PEAK3: variants seen among roughly 807,000 people sequenced by gnomAD.
The protein encoded by PEAK3 is PEAK family member 3, also known as protein PEAK3.
Under a neutral mutation model 13.3 loss-of-function variants are expected in PEAK3, and 15 were observed. That is an observed-to-expected ratio of 1.13 (90% CI 0.75 to 1.73). The LOEUF is 1.73. Ranked by LOEUF, PEAK3 falls within the 40% of genes most tolerant of loss-of-function variation. The pLI is 0.00. For synonymous variants in PEAK3, 347 were observed against 341.9 expected (o/e 1.01, Z -0.17); for missense variants, 739 against 690.2 (o/e 1.07, Z -0.79).
chr19:2,278,168 C>CTT (rs773451434), intron 3 of PEAK3, among the ~76,000 whole-genome samples: 4 of 119,804 alleles, frequency 3.3e-5, no homozygotes, highest in Non-Finnish European at 7.0e-5. Context: ...CGGCCTTTTT[C>CTT]TTTTTTTTTT....
chr19:2,278,661 A>T lies in PEAK3; in HGVS notation c.535T>A (p.Cys179Ser). The change falls in exon 3 of 4, where the codon TGC becomes AGC. Residue 179 changes from cysteine (C) to serine (S), a missense_variant. Physicochemically the swap from Cys to Ser is moderately radical, Grantham distance 112. Coordinates refer to ENST00000342063, the MANE Select transcript of PEAK3 (RefSeq NM_198532.3). Reference sequence around the variant, plus strand: ...TACAGGGCGTCCCCGCTCTCTGCGCAGGGTGAGCTGTCTAGGAGGCGGAAG... The same window carrying T: ...TACAGGGCGTCCCCGCTCTCTGCGCTGGGTGAGCTGTCTAGGAGGCGGAAG... ...HSFRLLDSSP[C>S]AESGDALYYR... 1 of 1,513,676 alleles carries T rather than the reference A, an allele frequency of 6.6e-7. No individual in the cohort carries two copies. Among genetic ancestry groups the T allele is most frequent in the Non-Finnish European group, 8.8e-7 (1 of 1,131,044 alleles). The allele number at this position is 1,513,676 out of a possible 1,614,324, so 93.8% of individuals were successfully genotyped here.
chr19:2,279,232 C>T lies in PEAK3; in HGVS notation c.83-119G>A, dbSNP rs376452362. The T allele has an allele frequency of 2.1e-4, 182 of 848,526 alleles. No homozygotes were observed. In the African/African-American group the frequency reaches 2.3e-3, roughly 11 times the overall value. The allele number at this position is 848,526 out of a possible 1,614,324, so 52.6% of individuals were successfully genotyped here. A position where few individuals can be genotyped will look rare whatever the true frequency, so the allele number is the denominator to read the frequency against. ...ACATGGAAGTAATGAGGCTGGGCGC[C>T]GGTGGCTCATGCTTGTAATCCCAGC... On this transcript the variant is annotated intron_variant, in intron 2 of 3. Transcript: ENST00000342063.
Position 2,275,724 on chromosome 19 carries a change from TG to T in PEAK3, c.1377del (p.Thr460ProfsTer99). 6.4e-7 allele frequency: 1 copy of T among 1,553,616 alleles called. No individual in the cohort carries two copies. The highest frequency in any genetic ancestry group is 8.7e-7 in the Non-Finnish European group (1 of 1,151,554). ...DWLCCEYLAE[A>X]TESSMGQALA... ...AGGGCCTGGCCCATCGAGGACTCGGTGGCCTCGGCCAGGTATTCGCAACACA... is the reference window on the plus strand; with the variant it reads ...AGGGCCTGGCCCATCGAGGACTCGGTGCCTCGGCCAGGTATTCGCAACACA... On this transcript the variant is annotated frameshift_variant, in exon 4 of 4. Coordinates refer to ENST00000342063, the MANE Select transcript of PEAK3 (RefSeq NM_198532.3). LOFTEE classifies it high-confidence loss of function.
intron 2 of PEAK3, among the ~76,000 whole-genome samples, chr19:2,279,453 G>A (rs1306559761): frequency 1.3e-5 from 2 of 152,076 alleles, no homozygotes; most frequent in African/African-American, 2.4e-5. Flanking sequence ...TCAGGAGATC[G>A]AGACCATCCT....
At chr19:2,277,413 C>T (rs975533829) in intron 3 of PEAK3, among the ~76,000 whole-genome samples, 1 of 152,124 alleles carries the variant, frequency 6.6e-6, no homozygotes, top group African/African-American at 2.4e-5. Flanking sequence ...ATGCCTGCTC[C>T]CGCCTCGCCT....
rs561206085 is a variant in PEAK3, at chr19:2,276,598, C to T, written c.613-109G>A. The T allele has an allele frequency of 1.4e-4, 126 of 924,970 alleles. 1 individual carries two copies. The African/African-American group carries it at 2.1e-3, about 15-fold the overall frequency. 57.3% of individuals were successfully genotyped at this position (924,970 alleles called of 1,614,324 possible). On this transcript the variant is annotated intron_variant, in intron 3 of 3. Transcript: ENST00000342063. ...CTCCCACGCACACCCCCAAACTGCC[C>T]CCACTACGGCTAGGGGCTGCCTGCA...
At chr19:2,276,726 T>A (rs529631814) in intron 3 of PEAK3, among the ~76,000 whole-genome samples, 1 of 152,190 alleles carries the variant, frequency 6.6e-6, no homozygotes, top group Non-Finnish European at 1.5e-5. Context: ...GGCAATGAGT[T>A]CGAAAGCAGA....
chr19:2,277,547 CTTTTT>C (rs1296903773), intron 3 of PEAK3, among the ~76,000 whole-genome samples: 1 of 151,960 alleles, frequency 6.6e-6, no homozygotes, highest in African/African-American at 2.4e-5. Context: ...CTTTTCTTTT[CTTTTT>C]TCTTCTCTTT....
intron 2 of PEAK3, 25 bp downstream of exon 2, chr19:2,280,825 C>G (rs774572909): frequency 1.3e-5 from 20 of 1,595,816 alleles, no homozygotes; most frequent in Non-Finnish European, 1.5e-5. Flanking sequence ...CCCCGCAGCC[C>G]AGGGCTCCCT....
chr19:2,279,253 C>G, intron 2 of PEAK3, 140 bp from the exon 3 acceptor site: 1 of 681,844 alleles, frequency 1.5e-6, no homozygotes, highest in African/African-American at 1.9e-5. Flanking sequence ...GCTTGTAATC[C>G]CAGCACTTAG....
In PEAK3 at chr19:2,275,139, G is replaced by A. The variant is rs2025372081; in HGVS notation, c.*541C>T. 1.3e-5 allele frequency: 2 copies of A among 152,182 alleles called. No homozygotes were observed. The highest frequency in any genetic ancestry group is 6.5e-5 in the Admixed American group (1 of 15,280). 9.4% of individuals were successfully genotyped at this position (152,182 alleles called of 1,614,324 possible). ...AGGGAAGGTGAGTCCAGACCCCGCT[G>A]AGATGAGCTGGGTGTCTAAGGTCCC... On this transcript the variant is annotated 3_prime_UTR_variant, in exon 4 of 4. Coordinates refer to ENST00000342063, the MANE Select transcript of PEAK3 (RefSeq NM_198532.3).
intron 3 of PEAK3, among the ~76,000 whole-genome samples, chr19:2,278,121 C>G (rs895636146): frequency 6.6e-6 from 1 of 150,784 alleles, no homozygotes; most frequent in Non-Finnish European, 1.5e-5. Flanking sequence ...CCTCGGCCTC[C>G]CAAAGTGCTG....
rs771648768 is a variant in PEAK3 at position 2,278,735 on chromosome 19, C to T, written c.461G>A (p.Arg154His). Reference sequence around the variant, plus strand: ...GGGGTGGCCCCCCATGAGCCGGGCACGGAGCCGGGCATAGATGGTACGGAG... The same window carrying T: ...GGGGTGGCCCCCCATGAGCCGGGCATGGAGCCGGGCATAGATGGTACGGAG... Reference protein sequence around the residue: ...QGLRTIYARLRARLMGGHPGP... With the variant: ...QGLRTIYARLHARLMGGHPGP... Residue 154 changes from arginine to histidine, a missense_variant, in exon 3 of 4, where the codon CGT becomes CAT. By Grantham distance (29) the Arg-to-His change is conservative. Coordinates refer to ENST00000342063, the MANE Select transcript of PEAK3 (RefSeq NM_198532.3). 6.1e-5 allele frequency: 94 copies of T among 1,533,742 alleles called. No homozygotes were observed. The highest frequency in any genetic ancestry group is 7.9e-5 in the Non-Finnish European group (90 of 1,137,352).
rs1271232956 is a variant in PEAK3 at position 2,275,761 on chromosome 19, G to A, written c.1341C>T (p.Leu447=). The part of the protein sequence containing the change: ...ERAAGGEAPS[L]EDWLCCEYLA... ...GGTATTCGCAACACAGCCAGTCCTCGAGGCTGGGAGCTTCCCCACCTGCGG... is the reference window on the plus strand; with the variant it reads ...GGTATTCGCAACACAGCCAGTCCTCAAGGCTGGGAGCTTCCCCACCTGCGG... Residue 447 remains leucine, a synonymous_variant, in exon 4 of 4, where the codon CTC becomes CTT. Transcript: ENST00000342063. The A allele has an allele frequency of 3.8e-6, 6 of 1,583,268 alleles. No homozygotes were observed. Among genetic ancestry groups the A allele is most frequent in the Non-Finnish European group, 5.1e-6 (6 of 1,168,136 alleles).
Position 2,275,857 on chromosome 19 carries a change from G to C in PEAK3, c.1245C>G (p.Pro415=). The part of the protein sequence containing the change: ...ELRGRGAPLG[P]WLRALGPWLR... ...GCCAGGGCCCGAGCGCTCGGAGCCA[G>C]GGACCAAGCGGTGCTCCGCGGCCGC... is the stretch of plus-strand genomic sequence containing the variant. The change falls in exon 4 of 4, where the codon CCC becomes CCG. Residue 415 remains proline, a synonymous_variant. Coordinates refer to ENST00000342063, the MANE Select transcript of PEAK3 (RefSeq NM_198532.3). 6.8e-7 allele frequency: 1 copy of C among 1,478,978 alleles called. No homozygotes were observed. The highest frequency in any genetic ancestry group is 1.3e-5 in the South Asian group (1 of 77,612). 91.6% of individuals were successfully genotyped at this position (1,478,978 alleles called of 1,614,324 possible).
intron 2 of PEAK3, among the ~76,000 whole-genome samples, chr19:2,279,824 A>G (rs2025424073): frequency 6.6e-6 from 1 of 151,448 alleles, no homozygotes; most frequent in Non-Finnish European, 1.5e-5. Flanking sequence ...ATCTCGGCTC[A>G]CTGCAACCTC....
chr19:2,278,788 A>T lies in PEAK3; in HGVS notation c.408T>A (p.Thr136=), dbSNP rs1377529105. ...RDLHSPEAVH[T]ALAARQLQGL... ...CCTGCAGCTGCCGCGCAGCCAGTGCAGTGTGCACAGCCTCCGGGCTGTGCA... is the reference window on the plus strand; with the variant it reads ...CCTGCAGCTGCCGCGCAGCCAGTGCTGTGTGCACAGCCTCCGGGCTGTGCA... Residue 136 remains threonine (T), a synonymous_variant, in exon 3 of 4, where the codon ACT becomes ACA. Transcript: ENST00000342063. The T allele has an allele frequency of 1.3e-6, 2 of 1,580,996 alleles. No individual in the cohort carries two copies. Among genetic ancestry groups the T allele is most frequent in the Non-Finnish European group, 1.7e-6 (2 of 1,163,038 alleles).
chr19:2,280,758 C>T, intron 2 of PEAK3, 92 bp downstream of exon 2: 1 of 877,942 alleles, frequency 1.1e-6, no homozygotes, highest in Non-Finnish European at 1.6e-6. Context: ...CCGGCAACCT[C>T]CTGCCGCTCC....
At chr19:2,280,811 G>T in intron 2 of PEAK3, 39 bp downstream of exon 2, 1 of 1,537,350 alleles carries the variant, frequency 6.5e-7, no homozygotes, top group Non-Finnish European at 8.9e-7. Flanking sequence ...GCCGCTCCCT[G>T]CACCCCCGCA....
Sources: allele counts gnomAD v4.1 joint callset (sites outside exome capture counted in the v4.1 genomes callset), GRCh38; gene constraint gnomAD v4.1.1; transcripts MANE v1.5; gene names NCBI Gene and HGNC (gene_info 2026-07-23, HGNC 2026-07-21).